Variants in PLEKHA6 observed in about 807,000 individuals in gnomAD.
PLEKHA6 encodes pleckstrin homology domain containing A6.
PLEKHA6 carries 60 observed loss-of-function variants against 116.7 expected under a neutral mutation model. The observed-to-expected ratio is 0.51, with a 90% CI of 0.42 to 0.64. The LOEUF is 0.64. PLEKHA6 is among the 30% of genes least tolerant of loss of function. The pLI is 0.00. For missense variants in PLEKHA6, 1,338 were observed against 1,422.7 expected, an observed-to-expected ratio of 0.94 and a Z score of 0.96; for synonymous variants, 489 against 556.1, an observed-to-expected ratio of 0.88 and a Z score of 1.70.
chr1:204,355,000 C>G (rs1673377152), intron 1 of PLEKHA6, among the ~76,000 whole-genome samples: 1 of 152,198 alleles, frequency 6.6e-6, no homozygotes, highest in Non-Finnish European at 1.5e-5. Context: ...AGTGGCTGCC[C>G]TGGGCATGTG....
intron 1 of PLEKHA6, among the ~76,000 whole-genome samples, chr1:204,313,158 G>T (rs71633508): frequency 0.23 from 33,056 of 145,294 alleles, 3,707 homozygotes; most frequent in South Asian, 0.3. Flanking sequence ...GCTTCAAGAG[G>T]TCCTCCCACC....
intron 2 of PLEKHA6, among the ~76,000 whole-genome samples, chr1:204,274,129 A>G (rs1320600198): frequency 2.6e-5 from 4 of 151,686 alleles, no homozygotes; most frequent in Admixed American, 2.6e-4. Flanking sequence ...ACAGGGTGTC[A>G]CTATGTGGCC....
At chr1:204,326,111 A>G (rs1398688094) in intron 1 of PLEKHA6, 1 of 154,096 alleles carries the variant, frequency 6.5e-6, no homozygotes, top group African/African-American at 2.4e-5. Flanking sequence ...TGAGCACTCC[A>G]CGTGTCCAGT....
chr1:204,350,337 A>G (rs937277707), intron 1 of PLEKHA6, among the ~76,000 whole-genome samples: 2 of 152,170 alleles, frequency 1.3e-5, no homozygotes, highest in Non-Finnish European at 2.9e-5. Flanking sequence ...AAAAACAAAA[A>G]TAAAAAAACC....
chr1:204,223,449 G>C lies in PLEKHA6; in HGVS notation c.*8+13C>G, dbSNP rs567008498. ...CTCCCGAGGTGGATGAAATACAGTA[G>C]AAAAGTGCTTACGTCAGAGCTCAGA... On this transcript the variant is annotated intron_variant, in intron 22 of 22. Transcript: ENST00000272203. This position sits in a 1 kb window ranked among gnomAD's most constrained non-coding sequence, Gnocchi z 4.8. 5 of 1,409,822 alleles carry C rather than the reference G, an allele frequency of 3.5e-6. No homozygotes were observed. In the African/African-American group the frequency reaches 7.1e-5, roughly 20 times the overall value. The allele number at this position is 1,409,822 out of a possible 1,614,324, so 87.3% of individuals were successfully genotyped here. A position where few individuals can be genotyped will look rare whatever the true frequency, so the allele number is the denominator to read the frequency against.
chr1:204,261,448 C>T lies in PLEKHA6; in HGVS notation c.382G>A (p.Ala128Thr), dbSNP rs61755454. 2.2e-3 allele frequency: 3,520 copies of T among 1,606,904 alleles called. 23 individuals are homozygous for T. The highest frequency in any genetic ancestry group is 1.8e-3 in the Non-Finnish European group (2,114 of 1,175,610). Residue 128 changes from alanine to threonine, a missense_variant and splice_region_variant, in exon 7 of 23, where the codon GCT becomes ACT. This residue lies in a region of PLEKHA6 where 140 missense variants were observed against 197.4 expected (regional missense o/e 0.71). Coordinates refer to ENST00000272203, the MANE Select transcript of PLEKHA6 (RefSeq NM_014935.5). This position sits in a 1 kb window ranked among gnomAD's most constrained non-coding sequence, Gnocchi z 4.0. The stretch of plus-strand genomic sequence containing the variant: ...TAGGTGCGGACCCCGGCATGCTCAG[C>T]CTGTGGGGAGAGGCAGCGTGTGGAG... ...DNISRKHTFKAEHAGVRTYFF... is the reference protein window; with the variant it reads ...DNISRKHTFKTEHAGVRTYFF...
intron 1 of PLEKHA6, among the ~76,000 whole-genome samples, chr1:204,325,679 A>C (rs1672216657): frequency 6.6e-6 from 1 of 152,106 alleles, no homozygotes; most frequent in Non-Finnish European, 1.5e-5. Flanking sequence ...GGAAGACAAA[A>C]TCCTATTAGA....
At position 204,273,152 on chromosome 1, in the gene PLEKHA6, C is replaced by A. The variant is rs76408518; in HGVS notation, c.102+474G>T. On this transcript the variant is annotated intron_variant, in intron 3 of 22. Transcript: ENST00000272203. ...CCTGGGGCTCTCTTCCTTCCTTCCC[C>A]CTCTCTGAGCTCTCAATCACCATGA... Among the ~76,000 whole-genome samples, 6 of 152,292 alleles carry A rather than the reference C, an allele frequency of 3.9e-5. No homozygotes were observed. The East Asian group carries it at 1.2e-3, about 29-fold the overall frequency.
chr1:204,334,395 C>T (rs1049372826), intron 1 of PLEKHA6, among the ~76,000 whole-genome samples: 8 of 152,318 alleles, frequency 5.3e-5, no homozygotes, highest in African/African-American at 1.4e-4. Context: ...TACATTTGTG[C>T]TCCTCATAAG....
upstream of PLEKHA6, among the ~76,000 whole-genome samples, chr1:204,361,553 C>T (rs556690546): frequency 2.0e-5 from 3 of 152,250 alleles, no homozygotes; most frequent in Non-Finnish European, 4.4e-5. Flanking sequence ...AGCTCAGCAG[C>T]ACTCTTGGGG....
intron 10 of PLEKHA6, among the ~76,000 whole-genome samples, chr1:204,249,610 C>A (rs529963899): frequency 6.6e-6 from 1 of 152,086 alleles, no homozygotes; most frequent in Non-Finnish European, 1.5e-5. Context: ...AGAGGTGGGC[C>A]GGGTGTCAGA....
In PLEKHA6 at chr1:204,223,318, T is replaced by C. The variant is rs1170249650; in HGVS notation, c.*8+144A>G. 7 of 643,504 alleles carry C rather than the reference T, an allele frequency of 1.1e-5. No individual in the cohort carries two copies. Among genetic ancestry groups the C allele is most frequent in the Non-Finnish European group, 2.0e-5 (7 of 348,854 alleles). The allele number at this position is 643,504 out of a possible 1,614,324, so 39.9% of individuals were successfully genotyped here. A position where few individuals can be genotyped will look rare whatever the true frequency, so the allele number is the denominator to read the frequency against. On this transcript the variant is annotated intron_variant, in intron 22 of 22. Transcript: ENST00000272203. This position sits in a 1 kb window ranked among gnomAD's most constrained non-coding sequence, Gnocchi z 4.8. ...CTGGATGGACGGATGGATGGATGAATGGATGGATAGTGGGGAGGAGCAGCA... is the reference window on the plus strand; with the variant it reads ...CTGGATGGACGGATGGATGGATGAACGGATGGATAGTGGGGAGGAGCAGCA...
In PLEKHA6 at chr1:204,332,888, C is replaced by T. The variant is rs117103527; in HGVS notation, c.-95+26806G>A. ...CTGTGATTCTTTCCCTCAGCCTGCA[C>T]TTCCAGAAAGATGAGAGTGTGCATA... On this transcript the variant is annotated intron_variant, in intron 1 of 22. Coordinates refer to ENST00000272203, the MANE Select transcript of PLEKHA6 (RefSeq NM_014935.5). 3.4e-4 allele frequency among the ~76,000 whole-genome samples: 52 copies of T among 152,340 alleles called. 2 individuals are homozygous for T. The East Asian group carries it at 9.6e-3, about 28-fold the overall frequency.
chr1:204,269,809 A>C (rs113016994), intron 3 of PLEKHA6, among the ~76,000 whole-genome samples: 1 of 152,134 alleles, frequency 6.6e-6, no homozygotes, highest in African/African-American at 2.4e-5. Context: ...TCTCCTCTCA[A>C]ATATGTTTCT....
intron 18 of PLEKHA6, among the ~76,000 whole-genome samples, 199 bp downstream of exon 18, chr1:204,230,214 T>A (rs1043714935): frequency 1.3e-5 from 2 of 152,254 alleles, no homozygotes; most frequent in African/African-American, 4.8e-5. Flanking sequence ...TTATTTTCTT[T>A]AAACAAGAAA....
In PLEKHA6 at chr1:204,261,415, T is replaced by G. The variant is rs1457005823; in HGVS notation, c.415A>C (p.Ser139Arg). 1 of 1,613,716 alleles carries G rather than the reference T, an allele frequency of 6.2e-7. No homozygotes were observed. Among genetic ancestry groups the G allele is most frequent in the Admixed American group, 1.7e-5 (1 of 59,972 alleles). ...TCTTGCTCCTCGGGGCTCTCGGCACTGAAGAAGTAGGTGCGGACCCCGGCA... is the reference window on the plus strand; with the variant it reads ...TCTTGCTCCTCGGGGCTCTCGGCACGGAAGAAGTAGGTGCGGACCCCGGCA... ...EHAGVRTYFF[S>R]AESPEEQEAW... Residue 139 changes from serine to arginine, a missense_variant, in exon 7 of 23, where the codon AGT becomes CGT. Ser to Arg is a moderately radical substitution (Grantham distance 110). Coordinates refer to ENST00000272203, the MANE Select transcript of PLEKHA6 (RefSeq NM_014935.5). This position sits in a 1 kb window ranked among gnomAD's most constrained non-coding sequence, Gnocchi z 4.0.
At chr1:204,232,445 T>A (rs1033188136) in intron 17 of PLEKHA6, among the ~76,000 whole-genome samples, 1 of 152,100 alleles carries the variant, frequency 6.6e-6, no homozygotes, top group Non-Finnish European at 1.5e-5. Flanking sequence ...AGAGATTAGG[T>A]ATGTCTCATG....
intron 1 of PLEKHA6, among the ~76,000 whole-genome samples, chr1:204,323,548 G>A (rs1397901854): frequency 5.3e-5 from 8 of 152,144 alleles, no homozygotes. Flanking sequence ...ACAGCCAAAT[G>A]GACATTTCGG....
chr1:204,306,152 A>G (rs888195270), intron 1 of PLEKHA6, among the ~76,000 whole-genome samples: 1 of 151,902 alleles, frequency 6.6e-6, no homozygotes, highest in Non-Finnish European at 1.5e-5. Flanking sequence ...CACCACCCCA[A>G]ATCTGCTTTT....
Sources: allele counts gnomAD v4.1 joint callset (sites outside exome capture counted in the v4.1 genomes callset), GRCh38; gene constraint gnomAD v4.1.1; regional missense constraint gnomAD v4.1.1; non-coding constraint Gnocchi (gnomAD v3.1); transcripts MANE v1.5; gene names NCBI Gene and HGNC (gene_info 2026-07-23, HGNC 2026-07-21).